The following DCAF10 variants were observed in gnomAD, a reference collection of about 807,000 sequenced individuals.
The protein encoded by DCAF10 is DDB1 and CUL4 associated factor 10.
In DCAF10, 19 loss-of-function variants were observed where a neutral mutation model predicts 51.9. The observed-to-expected ratio is 0.37, with a 90% CI of 0.26 to 0.54. The LOEUF is 0.54. DCAF10 is among the 20% of genes least tolerant of loss of function. The pLI is 0.87. For synonymous variants in DCAF10, 291 were observed against 297.1 expected (o/e 0.98, Z 0.21); for missense variants, 510 against 730.6 (o/e 0.70, Z 3.48).
chr9:37,843,853 T>C (rs993625182), intron 3 of DCAF10, among the ~76,000 whole-genome samples: 7 of 152,280 alleles, frequency 4.6e-5, no homozygotes, highest in African/African-American at 1.4e-4. Flanking sequence ...CAGTTAAAAA[T>C]AGACAGTGTT....
intron 2 of DCAF10, among the ~76,000 whole-genome samples, chr9:37,822,373 C>A: frequency 1.4e-5 from 2 of 143,090 alleles, no homozygotes; most frequent in Admixed American, 7.3e-5. Context: ...ACCCAAATGC[C>A]CATTAATCAA....
At chr9:37,825,437 C>G (rs895290765) in intron 2 of DCAF10, among the ~76,000 whole-genome samples, 2 of 152,176 alleles carry the variant, frequency 1.3e-5, no homozygotes, top group South Asian at 2.1e-4. Context: ...ATGGGTAAAA[C>G]TGGAGGCCAT....
intron 4 of DCAF10, 49 bp downstream of exon 4, chr9:37,855,031 C>T (rs1283143292): frequency 6.6e-7 from 1 of 1,507,180 alleles, no homozygotes; most frequent in African/African-American, 1.4e-5. Context: ...GAATCTCAAA[C>T]ATAGAGATGG....
chr9:37,812,484 A>G lies in DCAF10; in HGVS notation c.540-6804A>G, dbSNP rs748614290. Among the ~76,000 whole-genome samples the G allele has an allele frequency of 3.0e-5, 4 of 133,254 alleles. No individual in the cohort carries two copies. In the South Asian group the frequency reaches 9.4e-4, roughly 31 times the overall value. The allele number at this position is 133,254 out of a possible 152,430, so 87.4% of individuals were successfully genotyped here. On this transcript the variant is annotated intron_variant, in intron 1 of 6. Transcript: ENST00000377724. The stretch of plus-strand genomic sequence containing the variant: ...CAAGAGACAAAGATATTTCCAGACA[A>G]ATATTGAGAGAATTTGCCACTATCA...
At position 37,801,210 on chromosome 9, in the gene DCAF10, G is replaced by C; in HGVS notation, c.344G>C (p.Gly115Ala). ...KSRGRHGLGAGLGGPGARLFG... is the reference protein window; with the variant it reads ...KSRGRHGLGAALGGPGARLFG... ...CGGGGCCGACACGGCCTCGGCGCGGGCCTGGGCGGCCCTGGCGCTAGGCTG... is the reference window on the plus strand; with the variant it reads ...CGGGGCCGACACGGCCTCGGCGCGGCCCTGGGCGGCCCTGGCGCTAGGCTG... Residue 115 changes from glycine to alanine, a missense_variant, in exon 1 of 7, where the codon GGC (glycine) becomes GCC (alanine). Gly to Ala is a moderately conservative substitution (Grantham distance 60). Transcript: ENST00000377724. This position sits in a 1 kb window ranked among gnomAD's most constrained non-coding sequence, Gnocchi z 5.5. The C allele has an allele frequency of 1.3e-6, 2 of 1,558,836 alleles. No homozygotes were observed. Among genetic ancestry groups the C allele is most frequent in the Non-Finnish European group, 1.7e-6 (2 of 1,154,606 alleles).
Position 37,800,973 on chromosome 9 carries a change from C to G in DCAF10, c.107C>G (p.Ser36Trp), listed in dbSNP as rs897287213. ...CAGGCAGCAGCCACCGGGCCGCCCT[C>G]GCCACTACATCCCGGGGCTGATGCG... ...EGQAAATGPP[S>W]PLHPGADATH... Residue 36 changes from serine (S) to tryptophan (W), a missense_variant, in exon 1 of 7, where the codon TCG (serine) becomes TGG (tryptophan). Physicochemically the swap from Ser to Trp is radical, Grantham distance 177. Around this residue, in one of 4 missense-constraint regions of DCAF10, gnomAD observed 251 missense variants for 227.9 expected, o/e 1.10. Transcript: ENST00000377724. The G allele has an allele frequency of 2.6e-6, 4 of 1,519,450 alleles. No individual in the cohort carries two copies. The African/African-American group carries it at 4.2e-5, about 16-fold the overall frequency. The allele number at this position is 1,519,450 out of a possible 1,614,324, so 94.1% of individuals were successfully genotyped here.
At chr9:37,808,691 ATATT>A (rs1194793281) in intron 1 of DCAF10, among the ~76,000 whole-genome samples, 29 of 111,506 alleles carry the variant, frequency 2.6e-4, no homozygotes, top group Non-Finnish European at 2.2e-4. Flanking sequence ...ATATAAATAT[ATATT>A]TATATATTTA....
rs77535693 is a variant in DCAF10 at position 37,853,903 on chromosome 9, C to T, written c.852-877C>T. Among the ~76,000 whole-genome samples, 211 of 152,018 alleles carry T rather than the reference C, an allele frequency of 1.4e-3. 4 individuals are homozygous for T. The East Asian group carries it at 0.02, about 15-fold the overall frequency. On this transcript the variant is annotated intron_variant, in intron 3 of 6. Transcript: ENST00000377724. ...TTCTTATTGGCATCAAAAATATGCA[C>T]GTAAACTGACATTAATTTTAAAAAT...
intron 1 of DCAF10, among the ~76,000 whole-genome samples, chr9:37,804,239 G>A (rs1829043457): frequency 7.6e-6 from 1 of 131,778 alleles, no homozygotes; most frequent in Non-Finnish European, 1.6e-5. Flanking sequence ...GTTAGCCAGA[G>A]TTCCTAAAGA....
At chr9:37,848,222 A>G (rs557821279) in intron 3 of DCAF10, among the ~76,000 whole-genome samples, 3 of 152,356 alleles carry the variant, frequency 2.0e-5, no homozygotes, top group African/African-American at 7.2e-5. Flanking sequence ...ACTCCTAGAT[A>G]TCTATTCAAG....
At chr9:37,817,763 T>A (rs918094587) in intron 1 of DCAF10, among the ~76,000 whole-genome samples, 1 of 152,078 alleles carries the variant, frequency 6.6e-6, no homozygotes, top group African/African-American at 2.4e-5. Flanking sequence ...CCCAGAATCA[T>A]TGATTCACTA....
intron 3 of DCAF10, among the ~76,000 whole-genome samples, chr9:37,847,596 T>C (rs1830516904): frequency 6.6e-6 from 1 of 152,122 alleles, no homozygotes; most frequent in African/African-American, 2.4e-5. Context: ...CCCCCTAAGA[T>C]GGGAAGCAAG....
At chr9:37,804,501 G>A (rs1173093618) in intron 1 of DCAF10, among the ~76,000 whole-genome samples, 2 of 152,184 alleles carry the variant, frequency 1.3e-5, no homozygotes, top group African/African-American at 4.8e-5. Context: ...AAGGGGCCGG[G>A]TACGGTGGCT....
Position 37,801,161 on chromosome 9 carries a change from G to A in DCAF10, c.295G>A (p.Gly99Arg), listed in dbSNP as rs757021631. The change falls in exon 1 of 7, where the codon GGG becomes AGG. Residue 99 changes from glycine to arginine, a missense_variant. Physicochemically the swap from Gly to Arg is moderately radical, Grantham distance 125. Around this residue, in one of 4 missense-constraint regions of DCAF10, gnomAD observed 251 missense variants for 227.9 expected, o/e 1.10. Transcript: ENST00000377724. This position sits in a 1 kb window ranked among gnomAD's most constrained non-coding sequence, Gnocchi z 5.5. ...TCCCTCCCCTCCGTGCCGGCGGCCC[G>A]GGCCAGACTGCAGGGCCAAGAGCCG... ...SPPSPPCRRP[G>R]PDCRAKSRGR... 28 of 1,537,710 alleles carry A rather than the reference G, an allele frequency of 1.8e-5. No individual in the cohort carries two copies. Among genetic ancestry groups the A allele is most frequent in the South Asian group, 6.0e-5 (5 of 82,718 alleles).
intron 2 of DCAF10, among the ~76,000 whole-genome samples, chr9:37,827,690 T>C (rs1419090640): frequency 2.0e-5 from 3 of 152,222 alleles, no homozygotes; most frequent in African/African-American, 4.8e-5. Context: ...CTTGAGCTTC[T>C]GTTTTGACAA....
At position 37,816,659 on chromosome 9, in the gene DCAF10, G is replaced by GGGGTGTGTGTGTGTGTGTGT. The variant is rs372664140; in HGVS notation, c.540-2628_540-2627insGGTGTGTGTGTGTGTGTGTG. Among the ~76,000 whole-genome samples, 1,143 of 144,956 alleles carry GGGGTGTGTGTGTGTGTGTGT rather than the reference G, an allele frequency of 7.9e-3. 7 individuals carry two copies. Among genetic ancestry groups the GGGGTGTGTGTGTGTGTGTGT allele is most frequent in the Middle Eastern group, 0.015 (4 of 274 alleles). On this transcript the variant is annotated intron_variant, in intron 1 of 6. Transcript: ENST00000377724. ...AATCTCAATTAACATCTGCACCTGG[G>GGGGTGTGTGTGTGTGTGTGT]GTGTGTGTGTGTGTGTGTGTGTGTG...
intron 2 of DCAF10, among the ~76,000 whole-genome samples, chr9:37,822,832 G>A (rs1212473555): frequency 6.6e-6 from 1 of 152,130 alleles, no homozygotes; most frequent in African/African-American, 2.4e-5. Context: ...GCTGGGCTTG[G>A]TGTCTTGCAC....
chr9:37,805,999 A>G (rs909522483), intron 1 of DCAF10, among the ~76,000 whole-genome samples: 1 of 152,172 alleles, frequency 6.6e-6, no homozygotes, highest in Non-Finnish European at 1.5e-5. Flanking sequence ...CAGGAGGACC[A>G]CTTGAGCTCG....
intron 2 of DCAF10, among the ~76,000 whole-genome samples, chr9:37,822,226 A>G (rs1051216231): frequency 7.9e-5 from 12 of 152,130 alleles, no homozygotes; most frequent in African/African-American, 2.9e-4. Flanking sequence ...TAAAGAACTA[A>G]AAGTAGAACT....
Sources: allele counts gnomAD v4.1 joint callset (sites outside exome capture counted in the v4.1 genomes callset), GRCh38; gene constraint gnomAD v4.1.1; regional missense constraint gnomAD v4.1.1; non-coding constraint Gnocchi (gnomAD v3.1); transcripts MANE v1.5; gene names NCBI Gene and HGNC (gene_info 2026-07-23, HGNC 2026-07-21).